The following MECOM variants were observed in gnomAD, a reference collection of about 807,000 sequenced individuals.
MECOM encodes the protein histone-lysine N-methyltransferase MECOM.
In MECOM, 13 loss-of-function variants were observed where a neutral mutation model predicts 116.3. That is an observed-to-expected ratio of 0.11 (90% CI 0.07 to 0.18). The LOEUF is 0.18. Among genes scored for constraint, MECOM ranks in the 10% least tolerant of loss-of-function variants. The pLI is 1.00. For synonymous variants in MECOM, 528 were observed against 535.2 expected, an observed-to-expected ratio of 0.99 and a Z score of 0.19; for missense variants, 1,299 against 1,509.0, an observed-to-expected ratio of 0.86 and a Z score of 2.31.
intron 2 of MECOM, among the ~76,000 whole-genome samples, chr3:169,191,705 A>G (rs1377802467): frequency 5.0e-5 from 2 of 39,848 alleles, no homozygotes; most frequent in Non-Finnish European, 1.1e-4. Flanking sequence ...GATAGAAAAG[A>G]AAGAAAGAAA....
chr3:169,561,270 A>G (rs1014325199), intron 1 of MECOM, among the ~76,000 whole-genome samples: 1 of 152,156 alleles, frequency 6.6e-6, no homozygotes, highest in African/African-American at 2.4e-5. Flanking sequence ...AATAAAGCAC[A>G]TAAGAGTCAC....
intron 1 of MECOM, among the ~76,000 whole-genome samples, chr3:169,386,747 G>T (rs1184209398): frequency 2.0e-5 from 3 of 152,022 alleles, no homozygotes; most frequent in Non-Finnish European, 4.4e-5. Flanking sequence ...CCTTAGGTTA[G>T]ATTCCTATAA....
intron 1 of MECOM, among the ~76,000 whole-genome samples, chr3:169,527,407 A>G (rs376271059): frequency 1.3e-5 from 2 of 152,350 alleles, no homozygotes; most frequent in South Asian, 4.1e-4. Context: ...TCAGCAAAAG[A>G]AAAACATTAT....
intron 1 of MECOM, among the ~76,000 whole-genome samples, chr3:169,431,595 C>T (rs1036364887): frequency 3.3e-5 from 5 of 152,144 alleles, no homozygotes; most frequent in African/African-American, 1.2e-4. Flanking sequence ...CTGATGGATT[C>T]CCTGATTTAC....
At chr3:169,543,703 A>C (rs1267933586) in intron 1 of MECOM, among the ~76,000 whole-genome samples, 2 of 152,240 alleles carry the variant, frequency 1.3e-5, no homozygotes, top group African/African-American at 4.8e-5. Flanking sequence ...GAAAGTACAG[A>C]CAACATTCTT....
At chr3:169,218,212 A>G (rs764714875) in intron 2 of MECOM, among the ~76,000 whole-genome samples, 21 of 152,210 alleles carry the variant, frequency 1.4e-4, no homozygotes, top group Non-Finnish European at 2.2e-4. Flanking sequence ...GTTACAGGAA[A>G]AAAAAAGGAT....
At chr3:169,279,957 AG>A (rs1711572431) in intron 2 of MECOM, among the ~76,000 whole-genome samples, 2 of 152,338 alleles carry the variant, frequency 1.3e-5, no homozygotes, top group African/African-American at 2.4e-5. Context: ...GATTTTTAAA[AG>A]CACCACCCTT....
At chr3:169,273,153 T>G (rs1278448073) in intron 2 of MECOM, among the ~76,000 whole-genome samples, 1 of 152,156 alleles carries the variant, frequency 6.6e-6, no homozygotes, top group Non-Finnish European at 1.5e-5. Context: ...ACATGCCGTT[T>G]TATGTGGGCA....
intron 2 of MECOM, among the ~76,000 whole-genome samples, chr3:169,302,446 A>G (rs1716908940): frequency 6.6e-6 from 1 of 152,258 alleles, no homozygotes; most frequent in South Asian, 2.1e-4. Flanking sequence ...TAAAATAAAA[A>G]GAAATCTGGT....
chr3:169,599,916 T>C (rs1767623256), intron 1 of MECOM, among the ~76,000 whole-genome samples: 1 of 152,200 alleles, frequency 6.6e-6, no homozygotes, highest in African/African-American at 2.4e-5. Context: ...ATTAACACTA[T>C]GCCAGTTGAA....
chr3:169,379,770 T>C (rs889057048), intron 2 of MECOM, among the ~76,000 whole-genome samples: 60 of 152,090 alleles, frequency 3.9e-4, no homozygotes, highest in African/African-American at 1.1e-3. Context: ...GTTTAATGAG[T>C]TACTTATTAT....
At chr3:169,562,082 G>A (rs1390694308) in intron 1 of MECOM, among the ~76,000 whole-genome samples, 5 of 138,954 alleles carry the variant, frequency 3.6e-5, no homozygotes, top group South Asian at 2.3e-4. Flanking sequence ...GGAGGTGGAG[G>A]TTGCAGTGAG....
chr3:169,534,951 C>A (rs1469770144), intron 1 of MECOM, among the ~76,000 whole-genome samples: 5 of 152,150 alleles, frequency 3.3e-5, no homozygotes, highest in Non-Finnish European at 7.4e-5. Flanking sequence ...TCCATTTAGT[C>A]CCGAAAGGGA....
chr3:169,433,665 GAAAGAAAGA>G (rs1742097089), intron 1 of MECOM, among the ~76,000 whole-genome samples: 1 of 141,064 alleles, frequency 7.1e-6, no homozygotes, highest in Non-Finnish European at 1.5e-5. Flanking sequence ...AAGAAAGAAA[GAAAGAAAGA>G]AAGAAAGAAA....
intron 1 of MECOM, among the ~76,000 whole-genome samples, chr3:169,401,963 C>T (rs1331865744): frequency 6.6e-6 from 1 of 152,130 alleles, no homozygotes; most frequent in Non-Finnish European, 1.5e-5. Context: ...TGGATATTAG[C>T]ATGATCACTC....
intron 2 of MECOM, among the ~76,000 whole-genome samples, chr3:169,178,573 C>T (rs1451484351): frequency 1.3e-5 from 2 of 152,170 alleles, no homozygotes; most frequent in African/African-American, 4.8e-5. Flanking sequence ...TTAGTGCAAT[C>T]AGGTCATGTT....
At chr3:169,214,909 A>G (rs2149483379) in intron 2 of MECOM, among the ~76,000 whole-genome samples, 1 of 148,068 alleles carries the variant, frequency 6.8e-6, no homozygotes, top group East Asian at 1.9e-4. Flanking sequence ...CTACATTATA[A>G]ATATATATAC....
At chr3:169,480,026 G>A (rs1372545317) in intron 1 of MECOM, among the ~76,000 whole-genome samples, 2 of 152,182 alleles carry the variant, frequency 1.3e-5, no homozygotes, top group African/African-American at 4.8e-5. Context: ...ACTTTCCACA[G>A]TGAAGACAAT....
chr3:169,312,211 C>T (rs1475271676), intron 2 of MECOM, among the ~76,000 whole-genome samples: 1 of 152,120 alleles, frequency 6.6e-6, no homozygotes, highest in Non-Finnish European at 1.5e-5. Context: ...GTATACACTG[C>T]CTTCATTTGG....
Sources: allele counts gnomAD v4.1 joint callset (sites outside exome capture counted in the v4.1 genomes callset), GRCh38; gene constraint gnomAD v4.1.1; transcripts MANE v1.5; gene names NCBI Gene and HGNC (gene_info 2026-07-23, HGNC 2026-07-21).